The following CREBRF variants were observed in gnomAD, a reference collection of about 807,000 sequenced individuals.
The protein encoded by CREBRF is UPF0474 protein C5orf41.
CREBRF carries 5 observed loss-of-function variants against 66.1 expected under a neutral mutation model. The ratio of observed to expected loss-of-function variants is 0.08; its 90% CI spans 0.04 to 0.16. The LOEUF (loss-of-function observed/expected upper bound fraction) is 0.16. CREBRF is among the 10% of genes least tolerant of loss of function. CREBRF has a pLI of 1.00. For missense variants in CREBRF, 531 were observed against 744.9 expected, an observed-to-expected ratio of 0.71 and a Z score of 3.34; for synonymous variants, 229 against 264.4, an observed-to-expected ratio of 0.87 and a Z score of 1.30.
At position 173,108,743 on chromosome 5, in the gene CREBRF, A is replaced by G. The variant is rs1758806231; in HGVS notation, c.1342A>G (p.Arg448Gly). 1 of 1,614,094 alleles carries G rather than the reference A, an allele frequency of 6.2e-7. No individual in the cohort carries two copies. Residue 448 changes from arginine (R) to glycine (G), a missense_variant, in exon 5 of 9, where the codon AGG becomes GGG. Physicochemically the swap from Arg to Gly is moderately radical, Grantham distance 125 (BLOSUM62 -2). Transcript: ENST00000296953. The stretch of plus-strand genomic sequence containing the variant: ...ACAACTTACACCATCACAGCAAGAG[A>G]GGATGCTGAGACCATCTGAGTGGAA... ...SEQLTPSQQE[R>G]MLRPSEWNRD... is the part of the protein sequence containing the mutation.
intron 4 of CREBRF, among the ~76,000 whole-genome samples, chr5:173,103,012 G>A (rs751777609): frequency 1.3e-5 from 2 of 152,140 alleles, no homozygotes; most frequent in Non-Finnish European, 2.9e-5. Flanking sequence ...TTAATTGATC[G>A]CCATTTTTAT....
chr5:173,132,089 T>C (rs1759442493), intron 8 of CREBRF, among the ~76,000 whole-genome samples: 1 of 149,686 alleles, frequency 6.7e-6, no homozygotes, highest in Non-Finnish European at 1.5e-5. Context: ...ATATTTCTTT[T>C]TTTTTTTTTT....
chr5:173,107,881 G>C (rs1758786627), intron 4 of CREBRF, among the ~76,000 whole-genome samples: 1 of 150,204 alleles, frequency 6.7e-6, no homozygotes, highest in East Asian at 2.0e-4. Flanking sequence ...GCCCAGGCTG[G>C]AGTGCTGCGG....
intron 7 of CREBRF, among the ~76,000 whole-genome samples, chr5:173,114,193 C>T (rs1243987662): frequency 6.6e-6 from 1 of 152,128 alleles, no homozygotes; most frequent in Non-Finnish European, 1.5e-5. Context: ...TTAATAGCCA[C>T]TCAGTAAATG....
At chr5:173,106,320 C>T (rs547337590) in intron 4 of CREBRF, among the ~76,000 whole-genome samples, 3 of 152,058 alleles carry the variant, frequency 2.0e-5, no homozygotes, top group Admixed American at 6.5e-5. Flanking sequence ...GTCCCAGCTA[C>T]TCAGGAAGTT....
chr5:173,078,521 C>T (rs1035102069), intron 1 of CREBRF, among the ~76,000 whole-genome samples: 1 of 150,096 alleles, frequency 6.7e-6, no homozygotes, highest in African/African-American at 2.4e-5. Context: ...CTCTCATTTA[C>T]AAAGAGGTTT....
intron 1 of CREBRF, among the ~76,000 whole-genome samples, chr5:173,061,272 C>G (rs745770280): frequency 6.6e-6 from 1 of 152,196 alleles, no homozygotes; most frequent in East Asian, 1.9e-4. Context: ...GGCCCAGTCA[C>G]TGAGTTTTAA....
At chr5:173,127,201 C>T (rs1286615371) in intron 8 of CREBRF, among the ~76,000 whole-genome samples, 1 of 145,932 alleles carries the variant, frequency 6.9e-6, no homozygotes, top group Non-Finnish European at 1.5e-5. Context: ...CTCCCTCTGT[C>T]ACCCAGGCTA....
intron 4 of CREBRF, among the ~76,000 whole-genome samples, chr5:173,099,007 G>A (rs1369226724): frequency 1.3e-5 from 2 of 151,950 alleles, no homozygotes; most frequent in East Asian, 1.9e-4. Flanking sequence ...AGCCTCCTGA[G>A]TAGCTGGGAC....
At chr5:173,122,313 C>T (rs1308822542) in intron 7 of CREBRF, among the ~76,000 whole-genome samples, 2 of 152,134 alleles carry the variant, frequency 1.3e-5, no homozygotes, top group Admixed American at 1.3e-4. Context: ...TTTGGCCAGG[C>T]TGGTCTCGAA....
intron 7 of CREBRF, among the ~76,000 whole-genome samples, chr5:173,117,560 TC>T (rs1228212692): frequency 3.4e-5 from 1 of 29,334 alleles, no homozygotes; most frequent in Non-Finnish European, 7.1e-5. Flanking sequence ...CCCCTCTTCC[TC>T]CCTCCCTCCC....
chr5:173,110,306 G>A, intron 5 of CREBRF: 1 of 649,350 alleles, frequency 1.5e-6, no homozygotes, highest in Non-Finnish European at 2.8e-6. Context: ...TTAGAACTCT[G>A]CCATATCACC....
chr5:173,090,730 C>T lies in CREBRF; in HGVS notation c.551C>T (p.Pro184Leu). Residue 184 changes from proline to leucine, a missense_variant, in exon 4 of 9, where the codon CCT (proline) becomes CTT (leucine). By Grantham distance (98) the Pro-to-Leu change is moderately conservative. Transcript: ENST00000296953. This position sits in a 1 kb window ranked among gnomAD's most constrained non-coding sequence, Gnocchi z 4.5. Reference protein sequence around the residue: ...GKKITSRAAAPVCSSKTLQAE... With the variant: ...GKKITSRAAALVCSSKTLQAE... ...AAGATCACAAGCAGAGCAGCTGCTC[C>T]TGTGTGTTCTTCTAAGACTCTGCAG... is the stretch of plus-strand genomic sequence containing the variant. 6.2e-7 allele frequency: 1 copy of T among 1,614,140 alleles called. No individual in the cohort carries two copies. Among genetic ancestry groups the T allele is most frequent in the Non-Finnish European group, 8.5e-7 (1 of 1,180,004 alleles).
chr5:173,062,044 A>G (rs892238865), intron 1 of CREBRF, among the ~76,000 whole-genome samples: 3 of 152,230 alleles, frequency 2.0e-5, no homozygotes, highest in African/African-American at 7.2e-5. Flanking sequence ...TGCCTGGATG[A>G]CTACAGATAA....
At position 173,057,349 on chromosome 5, in the gene CREBRF, A is replaced by C. The variant is rs1457689803; in HGVS notation, c.-192+870A>C. On this transcript the variant is annotated intron_variant, in intron 1 of 8. Transcript: ENST00000296953. ...GTGGGTCACTGAGAGGGGAGGAGAC[A>C]GGGCAAAGGGCGAGGGAGCCGGGCC... 3.3e-5 allele frequency: 5 copies of C among 151,744 alleles called. No individual in the cohort carries two copies. The East Asian group carries it at 9.8e-4, about 30-fold the overall frequency. The allele number at this position is 151,744 out of a possible 1,614,324, so 9.4% of individuals were successfully genotyped here.
At chr5:173,123,449 G>T in intron 8 of CREBRF, 1 of 363,628 alleles carries the variant, frequency 2.8e-6, no homozygotes, top group South Asian at 3.2e-5. Context: ...CAAACTTCTA[G>T]CAACTTTAAC....
At chr5:173,118,019 G>A (rs1162259084) in intron 7 of CREBRF, among the ~76,000 whole-genome samples, 5 of 152,052 alleles carry the variant, frequency 3.3e-5, no homozygotes, top group Non-Finnish European at 5.9e-5. Context: ...GACTACAGGA[G>A]TCTGCCACCA....
At chr5:173,101,596 A>G (rs1376066723) in intron 4 of CREBRF, among the ~76,000 whole-genome samples, 2 of 150,902 alleles carry the variant, frequency 1.3e-5, no homozygotes, top group South Asian at 4.2e-4. Flanking sequence ...TCTGTCGCCC[A>G]GGCTGGAGTG....
chr5:173,064,331 A>G (rs1757369677), intron 1 of CREBRF, among the ~76,000 whole-genome samples: 2 of 152,306 alleles, frequency 1.3e-5, no homozygotes, highest in South Asian at 4.1e-4. Context: ...TCCTTAAAAC[A>G]GCAAGGCTTC....
Sources: allele counts gnomAD v4.1 joint callset (sites outside exome capture counted in the v4.1 genomes callset), GRCh38; gene constraint gnomAD v4.1.1; non-coding constraint Gnocchi (gnomAD v3.1); transcripts MANE v1.5; gene names NCBI Gene and HGNC (gene_info 2026-07-23, HGNC 2026-07-21).